GNAI1: variants seen among roughly 807,000 people sequenced by gnomAD.
GNAI1 encodes the protein G protein subunit alpha i1, also known as guanine nucleotide-binding protein G(i) subunit alpha-1.
Under a neutral mutation model 38.9 loss-of-function variants are expected in GNAI1, and 11 were observed. That is an observed-to-expected ratio of 0.28 (90% CI 0.18 to 0.47). GNAI1 has a LOEUF of 0.47. Ranked by LOEUF, GNAI1 falls within the 20% of genes least tolerant of loss-of-function variation. The pLI is 0.99. For synonymous variants in GNAI1, 166 were observed against 145.1 expected (o/e 1.14, Z -1.04); for missense variants, 317 against 436.9 (o/e 0.73, Z 2.45).
chr7:80,149,847 C>T (rs1464470365), intron 1 of GNAI1, among the ~76,000 whole-genome samples: 1 of 151,838 alleles, frequency 6.6e-6, no homozygotes, highest in Non-Finnish European at 1.5e-5. Flanking sequence ...TTTTATATGC[C>T]TTCAGGATAT....
intron 1 of GNAI1, among the ~76,000 whole-genome samples, chr7:80,144,889 C>T (rs1324511651): frequency 6.6e-6 from 1 of 152,192 alleles, no homozygotes; most frequent in African/African-American, 2.4e-5. Context: ...CACATTCAAT[C>T]AGCAATCAGA....
At chr7:80,184,356 G>A (rs1788353352) in intron 1 of GNAI1, among the ~76,000 whole-genome samples, 1 of 152,096 alleles carries the variant, frequency 6.6e-6, no homozygotes, top group Non-Finnish European at 1.5e-5. Flanking sequence ...GTACGTCCAG[G>A]GTCTTGTGTC....
intron 7 of GNAI1, among the ~76,000 whole-genome samples, chr7:80,216,796 C>T (rs1209214555): frequency 6.6e-6 from 1 of 152,036 alleles, no homozygotes; most frequent in East Asian, 1.9e-4. Context: ...TAACCTCATA[C>T]TCCTAAACAT....
intron 1 of GNAI1, among the ~76,000 whole-genome samples, chr7:80,179,089 G>A (rs180799719): frequency 4.7e-4 from 72 of 152,220 alleles, no homozygotes; most frequent in African/African-American, 1.7e-3. Context: ...GCAAAACAGT[G>A]CTACTTGTCT....
In GNAI1 at chr7:80,189,303, G is replaced by A. The variant is rs879225663; in HGVS notation, c.303+72G>A. The A allele has an allele frequency of 1.9e-5, 24 of 1,288,300 alleles. No homozygotes were observed. The South Asian group carries it at 3.1e-4, about 16-fold the overall frequency. 79.8% of individuals were successfully genotyped at this position (1,288,300 alleles called of 1,614,324 possible). ...AACTTGTATGCTAATACCATACTGT[G>A]TAACATAGGCTTGTCAACTATCAGG... On this transcript the variant is annotated intron_variant, in intron 3 of 7. Coordinates refer to ENST00000649796, the MANE Select transcript of GNAI1 (RefSeq NM_002069.6).
rs373198264 is a variant in GNAI1, at chr7:80,199,385, A to G, written c.461+3A>G. 3 of 1,584,082 alleles carry G rather than the reference A, an allele frequency of 1.9e-6. No individual in the cohort carries two copies. The highest frequency in any genetic ancestry group is 1.3e-5 in the African/African-American group (1 of 74,206). On this transcript the variant is annotated splice_donor_region_variant and intron_variant, in intron 4 of 7. Coordinates refer to ENST00000649796, the MANE Select transcript of GNAI1 (RefSeq NM_002069.6). ...CAGCTTAATGATTCTGCAGCATAGTAAGTAATCATAACTTCAGAACTAAAC... is the reference window on the plus strand; with the variant it reads ...CAGCTTAATGATTCTGCAGCATAGTGAGTAATCATAACTTCAGAACTAAAC...
chr7:80,223,230 C>A lies in GNAI1; in HGVS notation c.*5737C>A, dbSNP rs1270703424. Among the ~76,000 whole-genome samples, 1 of 152,170 alleles carries A rather than the reference C, an allele frequency of 6.6e-6. No homozygotes were observed. The highest frequency in any genetic ancestry group is 1.5e-5 in the Non-Finnish European group (1 of 68,030). On this transcript the variant is annotated 3_prime_UTR_variant, in exon 8 of 8. Transcript: ENST00000649796. ...GAAATTCCTTTTCCAACTGCAGTGT[C>A]TATGGAGGGATTCTTATAATTAATT... is the stretch of plus-strand genomic sequence containing the variant.
chr7:80,138,786 C>A (rs566698687), intron 1 of GNAI1, among the ~76,000 whole-genome samples: 1 of 152,126 alleles, frequency 6.6e-6, no homozygotes, highest in South Asian at 2.1e-4. Flanking sequence ...CCGCTCCACT[C>A]CCCCTCATAT....
At chr7:80,142,571 C>T (rs1787545735) in intron 1 of GNAI1, among the ~76,000 whole-genome samples, 1 of 152,196 alleles carries the variant, frequency 6.6e-6, no homozygotes, top group Non-Finnish European at 1.5e-5. Flanking sequence ...TCTTGTCAGA[C>T]TTATCATCTG....
At chr7:80,157,157 A>G (rs1432669473) in intron 1 of GNAI1, among the ~76,000 whole-genome samples, 1 of 152,078 alleles carries the variant, frequency 6.6e-6, no homozygotes, top group Non-Finnish European at 1.5e-5. Context: ...GATCTTTTTT[A>G]CTGTCTCCAT....
Position 80,217,668 on chromosome 7 carries a change from T to G in GNAI1, c.*175T>G. On this transcript the variant is annotated 3_prime_UTR_variant, in exon 8 of 8. Coordinates refer to ENST00000649796, the MANE Select transcript of GNAI1 (RefSeq NM_002069.6). ...ACTGAAAGTAACAGAAGGACCTTTC[T>G]TAAATGTGACAGATGGTCCTGCAGT... 2.3e-6 allele frequency: 1 copy of G among 440,488 alleles called. No homozygotes were observed. The allele number at this position is 440,488 out of a possible 1,614,324, so 27.3% of individuals were successfully genotyped here. A position where few individuals can be genotyped will look rare whatever the true frequency, so the allele number is the denominator to read the frequency against.
intron 3 of GNAI1, among the ~76,000 whole-genome samples, chr7:80,190,648 TTAAG>T (rs1305455113): frequency 6.6e-6 from 1 of 152,128 alleles, no homozygotes; most frequent in Non-Finnish European, 1.5e-5. Flanking sequence ...CATGCTTAGA[TTAAG>T]AAAAAAGAAT....
Position 80,219,880 on chromosome 7 carries a change from T to G in GNAI1, c.*2387T>G, listed in dbSNP as rs1358114759. 6.6e-6 allele frequency among the ~76,000 whole-genome samples: 1 copy of G among 152,180 alleles called. No homozygotes were observed. On this transcript the variant is annotated 3_prime_UTR_variant, in exon 8 of 8. Coordinates refer to ENST00000649796, the MANE Select transcript of GNAI1 (RefSeq NM_002069.6). ...ACTCTTCTGATTCCTAATCTCCATT[T>G]CAATTTACTGACAGTTCTACAAAGC...
At chr7:80,147,338 A>AG (rs1039206985) in intron 1 of GNAI1, among the ~76,000 whole-genome samples, 4 of 150,494 alleles carry the variant, frequency 2.7e-5, no homozygotes, top group African/African-American at 9.8e-5. Context: ...TTAGGTAATG[A>AG]GGGCTGGTCC....
rs907903341 is a variant in GNAI1, at chr7:80,219,061, A to G, written c.*1568A>G. The G allele has an allele frequency of 3.8e-5, 2 of 52,930 alleles. No homozygotes were observed. Among genetic ancestry groups the G allele is most frequent in the Admixed American group, 1.9e-4 (1 of 5,322 alleles). 3.3% of individuals were successfully genotyped at this position (52,930 alleles called of 1,614,324 possible). A position where few individuals can be genotyped will look rare whatever the true frequency, so the allele number is the denominator to read the frequency against. On this transcript the variant is annotated 3_prime_UTR_variant, in exon 8 of 8. Coordinates refer to ENST00000649796, the MANE Select transcript of GNAI1 (RefSeq NM_002069.6). ...TGTGTGTGTGTGTGTGTGTGTGTGTAACCATAAACTATATTCATATCTGTT... is the reference window on the plus strand; with the variant it reads ...TGTGTGTGTGTGTGTGTGTGTGTGTGACCATAAACTATATTCATATCTGTT...
In GNAI1 at chr7:80,225,225, T is replaced by C. The variant is rs912449638; in HGVS notation, c.*7732T>C. Among the ~76,000 whole-genome samples, 1 of 152,156 alleles carries C rather than the reference T, an allele frequency of 6.6e-6. No individual in the cohort carries two copies. Among genetic ancestry groups the C allele is most frequent in the Non-Finnish European group, 1.5e-5 (1 of 68,044 alleles). Reference sequence around the variant, plus strand: ...CCTGTGGGGGGAAAACCCATCTCATTTTCACTTTAAATATGTCAGCTATAA... The same window carrying C: ...CCTGTGGGGGGAAAACCCATCTCATCTTCACTTTAAATATGTCAGCTATAA... On this transcript the variant is annotated 3_prime_UTR_variant, in exon 8 of 8. Transcript: ENST00000649796.
At chr7:80,168,021 C>T (rs939595980) in intron 1 of GNAI1, among the ~76,000 whole-genome samples, 4 of 152,056 alleles carry the variant, frequency 2.6e-5, no homozygotes, top group African/African-American at 9.7e-5. Context: ...AGTAGTATAC[C>T]CAACCACACC....
Position 80,223,029 on chromosome 7 carries a change from G to A in GNAI1, c.*5536G>A, listed in dbSNP as rs937132973. Among the ~76,000 whole-genome samples, 1 of 152,164 alleles carries A rather than the reference G, an allele frequency of 6.6e-6. No individual in the cohort carries two copies. The highest frequency in any genetic ancestry group is 1.5e-5 in the Non-Finnish European group (1 of 68,030). On this transcript the variant is annotated 3_prime_UTR_variant, in exon 8 of 8. Coordinates refer to ENST00000649796, the MANE Select transcript of GNAI1 (RefSeq NM_002069.6). ...AAGGATATCTCATGTAATTTTCTTG[G>A]ATACTGTACTGAAAATGAAAAACAG... is the stretch of plus-strand genomic sequence containing the variant.
Position 80,165,621 on chromosome 7 carries a change from C to T in GNAI1, c.119-23330C>T, listed in dbSNP as rs1787999650. Among the ~76,000 whole-genome samples, 7 of 152,082 alleles carry T rather than the reference C, an allele frequency of 4.6e-5. No individual in the cohort carries two copies. The South Asian group carries it at 1.4e-3, about 31-fold the overall frequency. ...TTTTGGCAGAATGTTTTCTCTTTCTCTTGTGAAATTGAACATACTGTGCAT... is the reference window on the plus strand; with the variant it reads ...TTTTGGCAGAATGTTTTCTCTTTCTTTTGTGAAATTGAACATACTGTGCAT... On this transcript the variant is annotated intron_variant, in intron 1 of 7. Coordinates refer to ENST00000649796, the MANE Select transcript of GNAI1 (RefSeq NM_002069.6).
Sources: allele counts gnomAD v4.1 joint callset (sites outside exome capture counted in the v4.1 genomes callset), GRCh38; gene constraint gnomAD v4.1.1; transcripts MANE v1.5; gene names NCBI Gene and HGNC (gene_info 2026-07-23, HGNC 2026-07-21).